INPP4B: variants seen among roughly 807,000 people sequenced by gnomAD.
INPP4B encodes inositol polyphosphate-4-phosphatase type II B.
A neutral mutation model predicts 122.5 loss-of-function variants in INPP4B; 55 were observed. That is an observed-to-expected ratio of 0.45 (90% CI 0.36 to 0.56). The LOEUF (loss-of-function observed/expected upper bound fraction) is 0.56, where lower values mean the gene tolerates loss of function less well. Among genes scored for constraint, INPP4B ranks in the 20% least tolerant of loss-of-function variants. The pLI, the probability that INPP4B is intolerant of heterozygous loss-of-function variation, is 0.00. For missense variants in INPP4B, 1,000 were observed against 1,097.7 expected, an observed-to-expected ratio of 0.91 and a Z score of 1.26; for synonymous variants, 403 against 388.7, an observed-to-expected ratio of 1.04 and a Z score of -0.43.
intron 22 of INPP4B, among the ~76,000 whole-genome samples, chr4:142,108,863 T>G (rs1176360538): frequency 6.6e-5 from 10 of 152,142 alleles, no homozygotes; most frequent in Non-Finnish European, 5.9e-5. Context: ...CTTGTCTCCC[T>G]ATAAAAGGAT....
chr4:142,515,975 T>G (rs887538989), intron 2 of INPP4B, among the ~76,000 whole-genome samples: 1 of 152,166 alleles, frequency 6.6e-6, no homozygotes, highest in African/African-American at 2.4e-5. Context: ...ATAAACACAT[T>G]TAAAATGCTG....
intron 5 of INPP4B, chr4:142,426,717 A>C (rs1241217165): frequency 1.3e-5 from 2 of 151,978 alleles, no homozygotes; most frequent in East Asian, 3.9e-4. Flanking sequence ...ATTATATAGC[A>C]GCACACAAAG....
chr4:142,336,510 G>A (rs935558752), intron 7 of INPP4B, among the ~76,000 whole-genome samples: 3 of 152,250 alleles, frequency 2.0e-5, no homozygotes, highest in Admixed American at 6.5e-5. Flanking sequence ...AGGAACAAAC[G>A]TGAGCTGTAA....
At chr4:142,645,352 G>A (rs1018936594) in intron 2 of INPP4B, among the ~76,000 whole-genome samples, 1 of 152,140 alleles carries the variant, frequency 6.6e-6, no homozygotes, top group East Asian at 1.9e-4. Flanking sequence ...AAAAAATTGA[G>A]CAGAAATCAA....
At chr4:142,467,298 C>T (rs1056932133) in intron 2 of INPP4B, among the ~76,000 whole-genome samples, 27 of 152,196 alleles carry the variant, frequency 1.8e-4, no homozygotes, top group Admixed American at 1.7e-3. Flanking sequence ...CCCACAGAAG[C>T]CACAGGGGCA....
chr4:142,126,008 C>G (rs900874500), intron 18 of INPP4B, among the ~76,000 whole-genome samples: 2 of 151,928 alleles, frequency 1.3e-5, no homozygotes, highest in Non-Finnish European at 2.9e-5. Flanking sequence ...AAATTGAGAC[C>G]ATTTGTGCTA....
At chr4:142,702,042 C>T (rs1761849543) in intron 2 of INPP4B, among the ~76,000 whole-genome samples, 1 of 152,134 alleles carries the variant, frequency 6.6e-6, no homozygotes, top group Admixed American at 6.6e-5. Flanking sequence ...TGAAGCTTAG[C>T]CAAGTCAAGC....
intron 8 of INPP4B, among the ~76,000 whole-genome samples, chr4:142,307,992 T>C (rs1276086132): frequency 6.6e-6 from 1 of 152,172 alleles, no homozygotes; most frequent in Non-Finnish European, 1.5e-5. Flanking sequence ...ACATAAACTA[T>C]GGACTCACCA....
chr4:142,185,731 T>A (rs576389828), intron 15 of INPP4B, among the ~76,000 whole-genome samples: 11 of 151,364 alleles, frequency 7.3e-5, no homozygotes, highest in African/African-American at 2.4e-4. Context: ...TACAAAAAAT[T>A]AGCCGCGCGT....
intron 1 of INPP4B, among the ~76,000 whole-genome samples, chr4:142,744,579 G>A (rs947941902): frequency 1.4e-4 from 21 of 151,884 alleles, no homozygotes; most frequent in Admixed American, 1.3e-4. Flanking sequence ...AAAAACAATT[G>A]CTGGCTGCTC....
chr4:142,835,420 C>T (rs575463835), intron 1 of INPP4B, among the ~76,000 whole-genome samples: 1 of 152,060 alleles, frequency 6.6e-6, no homozygotes, highest in African/African-American at 2.4e-5. Flanking sequence ...AGAAAGAGAA[C>T]TATAGTATAT....
At chr4:142,434,087 T>C (rs1252258774) in intron 3 of INPP4B, among the ~76,000 whole-genome samples, 1 of 152,200 alleles carries the variant, frequency 6.6e-6, no homozygotes, top group East Asian at 1.9e-4. Flanking sequence ...CACAATCATC[T>C]ATAGAGACCG....
At chr4:142,417,819 C>G (rs555061778) in intron 5 of INPP4B, among the ~76,000 whole-genome samples, 2 of 152,224 alleles carry the variant, frequency 1.3e-5, no homozygotes, top group East Asian at 3.9e-4. Flanking sequence ...AGTCCAAATA[C>G]CAGCCTGGCC....
intron 25 of INPP4B, among the ~76,000 whole-genome samples, chr4:142,061,396 A>T (rs1466090211): frequency 6.6e-6 from 1 of 152,190 alleles, no homozygotes; most frequent in African/African-American, 2.4e-5. Flanking sequence ...TTACAAGTAC[A>T]TAGAAATGAA....
At chr4:142,398,114 G>A (rs1008113776) in intron 7 of INPP4B, among the ~76,000 whole-genome samples, 10 of 151,254 alleles carry the variant, frequency 6.6e-5, no homozygotes, top group South Asian at 4.2e-4. Flanking sequence ...GGTGGCTCAC[G>A]CCTGTAATCC....
At chr4:142,691,839 C>A (rs1258137623) in intron 2 of INPP4B, among the ~76,000 whole-genome samples, 2 of 152,144 alleles carry the variant, frequency 1.3e-5, no homozygotes, top group Non-Finnish European at 2.9e-5. Context: ...GCTTGAGTTC[C>A]ACTTCTGAGT....
chr4:142,544,368 C>T (rs1183953484), intron 2 of INPP4B, among the ~76,000 whole-genome samples: 1 of 151,878 alleles, frequency 6.6e-6, no homozygotes, highest in East Asian at 1.9e-4. Context: ...TGCTTCTTCT[C>T]AGTGGAAAAA....
intron 23 of INPP4B, among the ~76,000 whole-genome samples, chr4:142,094,109 A>G (rs1259664268): frequency 6.6e-6 from 1 of 152,172 alleles, no homozygotes; most frequent in Non-Finnish European, 1.5e-5. Context: ...ATTTAAAGTC[A>G]TGTCAAAAAA....
intron 25 of INPP4B, among the ~76,000 whole-genome samples, chr4:142,037,076 G>A (rs1396055027): frequency 6.6e-6 from 1 of 152,276 alleles, no homozygotes; most frequent in Admixed American, 6.5e-5. Context: ...GGCCATCACC[G>A]TGGAAGCAAA....
Sources: allele counts gnomAD v4.1 joint callset (sites outside exome capture counted in the v4.1 genomes callset), GRCh38; gene constraint gnomAD v4.1.1; transcripts MANE v1.5; gene names NCBI Gene and HGNC (gene_info 2026-07-23, HGNC 2026-07-21).